The following PRKCA variants were observed in gnomAD, a reference collection of about 807,000 sequenced individuals.
The protein encoded by PRKCA is protein kinase C alpha type.
In PRKCA, 27 loss-of-function variants were observed where a neutral mutation model predicts 87.0. The observed-to-expected ratio is 0.31, with a 90% CI of 0.23 to 0.43. PRKCA has a LOEUF of 0.43. Among genes scored for constraint, PRKCA ranks in the 20% least tolerant of loss-of-function variants. PRKCA has a pLI of 1.00. For synonymous variants in PRKCA, 329 were observed against 311.1 expected (o/e 1.06, Z -0.61); for missense variants, 518 against 852.3 (o/e 0.61, Z 4.88).
chr17:66,497,287 C>T (rs890644131), intron 3 of PRKCA, among the ~76,000 whole-genome samples: 12 of 152,014 alleles, frequency 7.9e-5, no homozygotes, highest in African/African-American at 7.2e-5. Context: ...CACCTGAGGT[C>T]GAGAGTTCAA....
intron 8 of PRKCA, among the ~76,000 whole-genome samples, chr17:66,697,794 C>T (rs1295332535): frequency 6.6e-6 from 1 of 151,968 alleles, no homozygotes; most frequent in African/African-American, 2.4e-5. Context: ...CTCTACACCC[C>T]CCACCCCCAG....
At chr17:66,615,664 G>A (rs1970496824) in intron 3 of PRKCA, among the ~76,000 whole-genome samples, 1 of 152,164 alleles carries the variant, frequency 6.6e-6, no homozygotes, top group South Asian at 2.1e-4. Context: ...CTTTGCCAGA[G>A]GTGCCTCCAC....
chr17:66,568,564 C>T (rs1968966543), intron 3 of PRKCA, among the ~76,000 whole-genome samples: 1 of 151,982 alleles, frequency 6.6e-6, no homozygotes, highest in Admixed American at 6.6e-5. Context: ...CCATGGACAG[C>T]TCATTCGTAT....
At chr17:66,317,426 G>A (rs1209742180) in intron 2 of PRKCA, among the ~76,000 whole-genome samples, 1 of 152,202 alleles carries the variant, frequency 6.6e-6, no homozygotes, top group Non-Finnish European at 1.5e-5. Context: ...AACTTACAGT[G>A]TACTACCACC....
At chr17:66,489,390 TA>T (rs1916129152) in intron 2 of PRKCA, among the ~76,000 whole-genome samples, 1 of 120,862 alleles carries the variant, frequency 8.3e-6, no homozygotes, top group Non-Finnish European at 1.8e-5. Flanking sequence ...TATATATATA[TA>T]TATATTTCCC....
intron 2 of PRKCA, among the ~76,000 whole-genome samples, chr17:66,451,154 A>G (rs1466154802): frequency 6.6e-6 from 1 of 152,162 alleles, no homozygotes; most frequent in Non-Finnish European, 1.5e-5. Context: ...AATTTAGGAA[A>G]TTAGACATTG....
chr17:66,418,904 A>C (rs1056154251), intron 2 of PRKCA, among the ~76,000 whole-genome samples: 2 of 148,762 alleles, frequency 1.3e-5, no homozygotes, highest in African/African-American at 4.9e-5. Flanking sequence ...GGCGCCCACC[A>C]TCACGCCCGG....
chr17:66,347,576 C>T (rs61641255), intron 2 of PRKCA, among the ~76,000 whole-genome samples: 28,015 of 152,014 alleles, frequency 0.18, 3,881 homozygotes, highest in African/African-American at 0.39. Context: ...GTTTGGAAAA[C>T]ACTATTTCAT....
intron 3 of PRKCA, among the ~76,000 whole-genome samples, chr17:66,556,639 G>A (rs77841428): frequency 0.026 from 3,887 of 152,126 alleles, 127 homozygotes; most frequent in East Asian, 0.15. Flanking sequence ...CTAAATCATG[G>A]GGGGCAGTGT....
intron 8 of PRKCA, among the ~76,000 whole-genome samples, chr17:66,717,062 T>A (rs1973495362): frequency 1.3e-5 from 2 of 152,200 alleles, no homozygotes; most frequent in Non-Finnish European, 2.9e-5. Context: ...GTGATTTAAT[T>A]CTAGTGCTCT....
intron 2 of PRKCA, among the ~76,000 whole-genome samples, chr17:66,318,828 C>A (rs893625692): frequency 6.6e-6 from 1 of 151,490 alleles, no homozygotes; most frequent in Non-Finnish European, 1.5e-5. Flanking sequence ...GTACTCCAGC[C>A]TGGGTAACAG....
chr17:66,570,256 C>T (rs1474987827), intron 3 of PRKCA, among the ~76,000 whole-genome samples: 2 of 152,182 alleles, frequency 1.3e-5, no homozygotes, highest in Non-Finnish European at 2.9e-5. Context: ...AAGGGGACTT[C>T]TGGGGCTCTC....
intron 2 of PRKCA, among the ~76,000 whole-genome samples, chr17:66,308,428 G>A (rs576092994): frequency 6.6e-6 from 1 of 152,054 alleles, no homozygotes; most frequent in African/African-American, 2.4e-5. Flanking sequence ...AGCCATTTGT[G>A]TTGTGTGAAT....
At chr17:66,481,073 T>C (rs1915756894) in intron 2 of PRKCA, among the ~76,000 whole-genome samples, 1 of 152,122 alleles carries the variant, frequency 6.6e-6, no homozygotes, top group Admixed American at 6.5e-5. Flanking sequence ...GCTGTCCTTT[T>C]TCATTCTCAG....
At chr17:66,678,013 A>C (rs547958221) in intron 5 of PRKCA, among the ~76,000 whole-genome samples, 1 of 152,352 alleles carries the variant, frequency 6.6e-6, no homozygotes, top group East Asian at 1.9e-4. Flanking sequence ...ACCCAAAGAC[A>C]TCAGATCTTA....
chr17:66,568,141 C>T (rs1968955567), intron 3 of PRKCA, among the ~76,000 whole-genome samples: 1 of 152,022 alleles, frequency 6.6e-6, no homozygotes. Flanking sequence ...ACGATGAAAC[C>T]CCATCTCTAG....
At chr17:66,377,691 A>T (rs4581734) in intron 2 of PRKCA, among the ~76,000 whole-genome samples, 97,846 of 124,814 alleles carry the variant, frequency 0.78, 38,964 homozygotes, top group South Asian at 0.86. Flanking sequence ...ATATATATAA[A>T]GTCTATGTTT....
At position 66,536,303 on chromosome 17, in the gene PRKCA, C is replaced by T. The variant is rs567620223; in HGVS notation, c.288+40020C>T. The stretch of plus-strand genomic sequence containing the variant: ...GAACTTCCCTGAACTTTACTCTGTC[C>T]GGTTCAGACCATCTGAATGCAGATG... On this transcript the variant is annotated intron_variant, in intron 3 of 16. Coordinates refer to ENST00000413366, the MANE Select transcript of PRKCA (RefSeq NM_002737.3). Among the ~76,000 whole-genome samples the T allele has an allele frequency of 4.6e-5, 7 of 152,252 alleles. No individual in the cohort carries two copies. In the South Asian group the frequency reaches 6.2e-4, roughly 13 times the overall value.
At position 66,306,676 on chromosome 17, in the gene PRKCA, C is replaced by T. The variant is rs143575090; in HGVS notation, c.205+549C>T. On this transcript the variant is annotated intron_variant, in intron 2 of 16. Transcript: ENST00000413366. ...TGTAGCATGCTTTCCTTTCAGCTTA[C>T]ATATCTGACAAAACGTGATATCAGC... is the stretch of plus-strand genomic sequence containing the variant. Among the ~76,000 whole-genome samples, 232 of 152,246 alleles carry T rather than the reference C, an allele frequency of 1.5e-3. 1 individual carries two copies. The highest frequency in any genetic ancestry group is 5.4e-3 in the African/African-American group (224 of 41,556).
Sources: gnomAD v4.1 joint callset for allele counts (sites outside exome capture counted in the v4.1 genomes callset) on GRCh38, gnomAD v4.1.1 for gene constraint, MANE v1.5 for transcripts, NCBI Gene and HGNC (gene_info 2026-07-23, HGNC 2026-07-21) for gene names.